The following MYO3B variants were observed in gnomAD, a reference collection of about 807,000 sequenced individuals.
MYO3B encodes myosin IIIB.
Under a neutral mutation model 174.6 loss-of-function variants are expected in MYO3B, and 156 were observed. That is an observed-to-expected ratio of 0.89 (90% CI 0.78 to 1.02). The LOEUF (loss-of-function observed/expected upper bound fraction) is 1.02, where lower values mean the gene tolerates loss of function less well. Among genes scored for constraint, MYO3B ranks in the 50% least tolerant of loss-of-function variants. The pLI is 0.00. For synonymous variants in MYO3B, 563 were observed against 569.1 expected (o/e 0.99, Z 0.15); for missense variants, 1,632 against 1,639.4 (o/e 1.00, Z 0.08).
chr2:170,362,328 C>G (rs2094167730), intron 8 of MYO3B, among the ~76,000 whole-genome samples: 1 of 152,204 alleles, frequency 6.6e-6, no homozygotes, highest in South Asian at 2.1e-4. Flanking sequence ...TCTTCCCTTT[C>G]CATTTCCGTC....
chr2:170,407,918 T>C, intron 22 of MYO3B, 74 bp downstream of exon 22: 5 of 1,570,546 alleles, frequency 3.2e-6, no homozygotes, highest in Non-Finnish European at 4.4e-6. Flanking sequence ...AGTTAGTGTC[T>C]GAATACTGCC....
intron 22 of MYO3B, among the ~76,000 whole-genome samples, chr2:170,428,996 G>A (rs2094687175): frequency 6.6e-6 from 1 of 152,214 alleles, no homozygotes; most frequent in South Asian, 2.1e-4. Flanking sequence ...TCCAAGCACT[G>A]AATCATAATC....
chr2:170,631,243 C>T (rs1255597696), intron 32 of MYO3B, among the ~76,000 whole-genome samples: 2 of 152,032 alleles, frequency 1.3e-5, no homozygotes, highest in Admixed American at 1.3e-4. Flanking sequence ...AAGAGAACTA[C>T]GTGATGAATG....
intron 18 of MYO3B, among the ~76,000 whole-genome samples, chr2:170,402,227 C>A (rs1237924575): frequency 1.3e-5 from 2 of 152,192 alleles, no homozygotes; most frequent in Non-Finnish European, 2.9e-5. Context: ...CTCCCATATG[C>A]TTTGTGTTCC....
intron 7 of MYO3B, among the ~76,000 whole-genome samples, chr2:170,238,526 T>C (rs1390878970): frequency 6.6e-6 from 1 of 152,228 alleles, no homozygotes; most frequent in Non-Finnish European, 1.5e-5. Context: ...ATGAAATCCT[T>C]TTCAGGGTAT....
intron 30 of MYO3B, among the ~76,000 whole-genome samples, chr2:170,540,569 G>C (rs1375103419): frequency 2.6e-5 from 4 of 151,978 alleles, no homozygotes; most frequent in African/African-American, 9.7e-5. Context: ...CTTGAGCCAT[G>C]GCTTTTTGTT....
intron 5 of MYO3B, 138 bp from the exon 6 acceptor site, chr2:170,217,174 GCAGCAGA>G (rs2092838441): frequency 4.5e-6 from 3 of 666,882 alleles, no homozygotes. Flanking sequence ...TTGTACTATT[GCAGCAGA>G]ACTGAGTAGT....
At chr2:170,569,505 A>G (rs2106273425) in intron 32 of MYO3B, among the ~76,000 whole-genome samples, 1 of 150,778 alleles carries the variant, frequency 6.6e-6, no homozygotes, top group Non-Finnish European at 1.5e-5. Context: ...CAGAATCTAT[A>G]AAACTGGGCT....
At chr2:170,552,603 G>A (rs1444815732) in intron 32 of MYO3B, among the ~76,000 whole-genome samples, 1 of 152,218 alleles carries the variant, frequency 6.6e-6, no homozygotes, top group Non-Finnish European at 1.5e-5. Flanking sequence ...TTATTTAAAA[G>A]GGAAGCAGAG....
intron 1 of MYO3B, among the ~76,000 whole-genome samples, chr2:170,183,115 G>T (rs964769150): frequency 6.6e-6 from 1 of 151,986 alleles, no homozygotes; most frequent in Non-Finnish European, 1.5e-5. Flanking sequence ...AAATTAGCTG[G>T]GCGTGGTGGC....
chr2:170,647,225 C>T (rs1466537195), intron 32 of MYO3B, among the ~76,000 whole-genome samples: 1 of 152,066 alleles, frequency 6.6e-6, no homozygotes, highest in Non-Finnish European at 1.5e-5. Flanking sequence ...CAATTTGAGT[C>T]CAACAGCACT....
At position 170,386,200 on chromosome 2, in the gene MYO3B, C is replaced by T. The variant is rs1301601274; in HGVS notation, c.1302C>T (p.Ile434=). 10 of 1,613,328 alleles carry T rather than the reference C, an allele frequency of 6.2e-6. No individual in the cohort carries two copies. Among genetic ancestry groups the T allele is most frequent in the Non-Finnish European group, 8.5e-6 (10 of 1,179,564 alleles). The change falls in exon 13 of 35, where the codon ATC becomes ATT. Residue 434 remains isoleucine, a synonymous_variant. Transcript: ENST00000408978. ...ATTTTCTGTGCCAGTGCATTGTCAT[C>T]AGCGGAGAGAGTGGCTCTGGGAAGA... ...VTLSKDQCIV[I]SGESGSGKTE...
chr2:170,210,721 A>C (rs549719918), intron 3 of MYO3B, among the ~76,000 whole-genome samples: 4 of 152,354 alleles, frequency 2.6e-5, no homozygotes, highest in East Asian at 1.9e-4. Flanking sequence ...ATTTGACAAC[A>C]TCTGCATTTT....
intron 11 of MYO3B, among the ~76,000 whole-genome samples, chr2:170,383,455 C>G (rs1274134199): frequency 6.6e-6 from 1 of 152,166 alleles, no homozygotes; most frequent in African/African-American, 2.4e-5. Flanking sequence ...CCCTGTGGGA[C>G]AGGTACTGTT....
At chr2:170,488,512 T>C (rs12692953) in intron 25 of MYO3B, among the ~76,000 whole-genome samples, 68,047 of 152,016 alleles carry the variant, frequency 0.45, 16,310 homozygotes, top group East Asian at 0.64. Flanking sequence ...ATGACTGGCA[T>C]ACAGAAATAA....
intron 9 of MYO3B, among the ~76,000 whole-genome samples, chr2:170,380,117 G>A (rs1216234017): frequency 6.6e-6 from 1 of 152,248 alleles, no homozygotes; most frequent in Admixed American, 6.5e-5. Flanking sequence ...GATCTAGCTA[G>A]ATAGAATTGT....
At chr2:170,203,934 G>C (rs2092690378) in intron 3 of MYO3B, among the ~76,000 whole-genome samples, 2 of 152,140 alleles carry the variant, frequency 1.3e-5, no homozygotes, top group African/African-American at 4.8e-5. Context: ...CAACAAAAGA[G>C]AGAGAGTTAA....
chr2:170,509,286 G>C (rs1036795580), intron 28 of MYO3B, among the ~76,000 whole-genome samples: 1 of 152,134 alleles, frequency 6.6e-6, no homozygotes, highest in Non-Finnish European at 1.5e-5. Flanking sequence ...GAACCCAGGA[G>C]GCATAGGTTG....
intron 7 of MYO3B, among the ~76,000 whole-genome samples, chr2:170,312,009 A>T (rs1339632103): frequency 2.0e-5 from 3 of 152,150 alleles, no homozygotes; most frequent in Non-Finnish European, 4.4e-5. Flanking sequence ...GTTGCTTTGT[A>T]GTAGGTGTTG....
Sources: gnomAD v4.1 joint callset for allele counts (sites outside exome capture counted in the v4.1 genomes callset) on GRCh38, gnomAD v4.1.1 for gene constraint, MANE v1.5 for transcripts, NCBI Gene and HGNC (gene_info 2026-07-23, HGNC 2026-07-21) for gene names.